The following RGS7 variants were observed in gnomAD, a reference collection of about 807,000 sequenced individuals.
RGS7 encodes the protein regulator of G protein signaling 7.
Under a neutral mutation model 81.1 loss-of-function variants are expected in RGS7, and 27 were observed. The ratio of observed to expected loss-of-function variants is 0.33; its 90% confidence interval spans 0.25 to 0.46. The LOEUF is 0.46. RGS7 is among the 20% of genes least tolerant of loss of function. RGS7 has a pLI of 1.00. For missense variants in RGS7, 396 were observed against 607.4 expected (o/e 0.65, Z 3.66); for synonymous variants, 208 against 207.7 (o/e 1.00, Z -0.01).
Position 240,776,064 on chromosome 1 carries a change from C to T in RGS7, c.*156G>A, listed in dbSNP as rs1682879065. 1 of 924,996 alleles carries T rather than the reference C, an allele frequency of 1.1e-6. No homozygotes were observed. Among genetic ancestry groups the T allele is most frequent in the Non-Finnish European group, 1.8e-6 (1 of 551,990 alleles). The allele number at this position is 924,996 out of a possible 1,614,324, so 57.3% of individuals were successfully genotyped here. ...TAACAATTTAGGTCCTTTGCTCATGCAACATCTTGTTCTAATGTCCTCTGC... is the reference window on the plus strand; with the variant it reads ...TAACAATTTAGGTCCTTTGCTCATGTAACATCTTGTTCTAATGTCCTCTGC... On this transcript the variant is annotated 3_prime_UTR_variant, in exon 19 of 19. Coordinates refer to ENST00000440928, the MANE Select transcript of RGS7 (RefSeq NM_001364886.1).
At chr1:241,103,642 C>T (rs979515902) in intron 2 of RGS7, among the ~76,000 whole-genome samples, 1 of 152,116 alleles carries the variant, frequency 6.6e-6, no homozygotes. Flanking sequence ...GAGGCCAACA[C>T]AGGAGGATGA....
Position 240,775,796 on chromosome 1 carries a change from C to T in RGS7, c.*424G>A. ...TATACTTATTGATATATACTTTTTTCTTTTACAGTTCTTCCAGTTTTTGAC... is the reference window on the plus strand; with the variant it reads ...TATACTTATTGATATATACTTTTTTTTTTTACAGTTCTTCCAGTTTTTGAC... On this transcript the variant is annotated 3_prime_UTR_variant, in exon 19 of 19. Transcript: ENST00000440928. 6 of 253,476 alleles carry T rather than the reference C, an allele frequency of 2.4e-5. No homozygotes were observed. Among genetic ancestry groups the T allele is most frequent in the Middle Eastern group, 1.6e-3 (1 of 634 alleles). The allele number at this position is 253,476 out of a possible 1,614,324, so 15.7% of individuals were successfully genotyped here.
chr1:241,068,257 T>TATAA lies in RGS7; in HGVS notation c.175+30408_175+30409insTTAT, dbSNP rs1433690559. Among the ~76,000 whole-genome samples the TATAA allele has an allele frequency of 8.4e-3, 595 of 71,160 alleles. 9 individuals are homozygous for TATAA. Among genetic ancestry groups the TATAA allele is most frequent in the Middle Eastern group, 0.014 (2 of 140 alleles). The allele number at this position is 71,160 out of a possible 152,430, so 46.7% of individuals were successfully genotyped here. A position where few individuals can be genotyped will look rare whatever the true frequency, so the allele number is the denominator to read the frequency against. On this transcript the variant is annotated intron_variant, in intron 3 of 18. Transcript: ENST00000440928. ...GTGTGTGTATATATATATATATATA[T>TATAA]AAAATATTGTGTATATATAATATTA... is the stretch of plus-strand genomic sequence containing the variant.
intron 2 of RGS7, among the ~76,000 whole-genome samples, chr1:241,278,756 G>A (rs552388703): frequency 6.6e-6 from 1 of 152,110 alleles, no homozygotes; most frequent in Non-Finnish European, 1.5e-5. Flanking sequence ...CTTTGTCTAC[G>A]AACTGCCACG....
intron 3 of RGS7, among the ~76,000 whole-genome samples, chr1:241,052,427 C>T (rs1454962162): frequency 6.6e-6 from 1 of 151,990 alleles, no homozygotes; most frequent in African/African-American, 2.4e-5. Flanking sequence ...GGGATAAGAG[C>T]AACGTGAAGG....
rs953568132 is a variant in RGS7, at chr1:241,185,230, C to T, written c.79-86468G>A. Reference sequence around the variant, plus strand: ...TTCTGCTTTTAAGATAACTTCTTAACAAGAAATAAACAGAAATTTCTATTG... The same window carrying T: ...TTCTGCTTTTAAGATAACTTCTTAATAAGAAATAAACAGAAATTTCTATTG... On this transcript the variant is annotated intron_variant, in intron 2 of 18. Coordinates refer to ENST00000440928, the MANE Select transcript of RGS7 (RefSeq NM_001364886.1). Among the ~76,000 whole-genome samples, 4 of 152,124 alleles carry T rather than the reference C, an allele frequency of 2.6e-5. No individual in the cohort carries two copies. The South Asian group carries it at 6.2e-4, about 24-fold the overall frequency.
chr1:240,885,422 A>G (rs12069867), intron 6 of RGS7, among the ~76,000 whole-genome samples: 52,404 of 152,116 alleles, frequency 0.34, 9,801 homozygotes, highest in East Asian at 0.51. Flanking sequence ...AGGAACAGAA[A>G]TCATTCTCCC....
chr1:241,136,764 G>A (rs2067551268), intron 2 of RGS7, among the ~76,000 whole-genome samples: 1 of 152,228 alleles, frequency 6.6e-6, no homozygotes, highest in Admixed American at 6.5e-5. Flanking sequence ...GATTTCACAT[G>A]TAAAAAAAAT....
chr1:241,220,981 G>A (rs1414838019), intron 2 of RGS7, among the ~76,000 whole-genome samples: 3 of 55,452 alleles, frequency 5.4e-5, no homozygotes, highest in South Asian at 5.3e-4. Context: ...AAGGAAGGAA[G>A]GAAGGAAGGA....
At chr1:241,352,549 T>A (rs983121385) in intron 2 of RGS7, among the ~76,000 whole-genome samples, 26 of 152,238 alleles carry the variant, frequency 1.7e-4, no homozygotes, top group African/African-American at 6.0e-4. Context: ...CTACTGAGAT[T>A]CCCTGTATTA....
chr1:241,181,036 G>A (rs1192043855), intron 2 of RGS7, among the ~76,000 whole-genome samples: 3 of 152,214 alleles, frequency 2.0e-5, no homozygotes, highest in Non-Finnish European at 4.4e-5. Context: ...ATGATTAGTG[G>A]TTGTCAGGGG....
rs568834743 is a variant in RGS7 at position 241,246,567 on chromosome 1, T to A, written c.78+109132A>T. Among the ~76,000 whole-genome samples, 9 of 152,278 alleles carry A rather than the reference T, an allele frequency of 5.9e-5. No homozygotes were observed. In the South Asian group the frequency reaches 1.5e-3, roughly 25 times the overall value. On this transcript the variant is annotated intron_variant, in intron 2 of 18. Coordinates refer to ENST00000440928, the MANE Select transcript of RGS7 (RefSeq NM_001364886.1). ...TGAAGATGAAAAGAACACAGCTTCC[T>A]CCTAAGAGACTTAGAGGAAGCATGG...
intron 3 of RGS7, among the ~76,000 whole-genome samples, chr1:240,984,641 T>G (rs1018755408): frequency 3.9e-5 from 6 of 152,228 alleles, no homozygotes; most frequent in Non-Finnish European, 8.8e-5. Context: ...GCATACATAG[T>G]AAACTGTGTT....
At chr1:240,859,440 G>GTTT (rs5782167) in intron 9 of RGS7, among the ~76,000 whole-genome samples, 2,724 of 110,784 alleles carry the variant, frequency 0.025, 103 homozygotes, top group African/African-American at 0.088. Context: ...TTTCTTTCCT[G>GTTT]TTTTTTTTTT....
At chr1:240,853,856 A>C (rs745341125) in intron 9 of RGS7, among the ~76,000 whole-genome samples, 19 of 126,656 alleles carry the variant, frequency 1.5e-4, no homozygotes, top group Non-Finnish European at 8.0e-5. Context: ...AGCCGAGATC[A>C]GGCCACTGCA....
chr1:241,221,079 GGAAGGAAGGA>G lies in RGS7; in HGVS notation c.79-122327_79-122318del, dbSNP rs1158573645. Among the ~76,000 whole-genome samples the G allele has an allele frequency of 3.8e-5, 5 of 132,324 alleles. 1 individual carries two copies. The highest frequency in any genetic ancestry group is 4.8e-4 in the East Asian group (2 of 4,200). The allele number at this position is 132,324 out of a possible 152,430, so 86.8% of individuals were successfully genotyped here. A position where few individuals can be genotyped will look rare whatever the true frequency, so the allele number is the denominator to read the frequency against. On this transcript the variant is annotated intron_variant, in intron 2 of 18. Transcript: ENST00000440928. ...AGAAAGAGAGAGAGAGAGAAAGGAA[GGAAGGAAGGA>G]AGAAAGGAAGGAAGGAAGGAAGGAA...
intron 3 of RGS7, among the ~76,000 whole-genome samples, chr1:241,016,320 C>G (rs1032146628): frequency 1.3e-5 from 2 of 152,118 alleles, no homozygotes; most frequent in African/African-American, 2.4e-5. Context: ...GAGAACAAGA[C>G]CATCCTGGCC....
intron 6 of RGS7, among the ~76,000 whole-genome samples, chr1:240,918,872 G>C (rs1458346345): frequency 6.6e-6 from 1 of 151,376 alleles, no homozygotes. Flanking sequence ...ACCAATTACT[G>C]GTATAATAAC....
chr1:241,026,453 G>A (rs1292971435), intron 3 of RGS7, among the ~76,000 whole-genome samples: 2 of 152,016 alleles, frequency 1.3e-5, no homozygotes, highest in African/African-American at 2.4e-5. Context: ...GCCAGACATG[G>A]TTGCACATGC....
Sources: gnomAD v4.1 joint callset for allele counts (sites outside exome capture counted in the v4.1 genomes callset) on GRCh38, gnomAD v4.1.1 for gene constraint, MANE v1.5 for transcripts, NCBI Gene and HGNC (gene_info 2026-07-23, HGNC 2026-07-21) for gene names.